CCDC14: variants seen among roughly 807,000 people sequenced by gnomAD.
CCDC14 encodes coiled-coil domain containing 14, also known as coiled-coil domain-containing protein 14.
CCDC14 carries 71 observed loss-of-function variants against 81.4 expected under a neutral mutation model. That is an observed-to-expected ratio of 0.87 (90% confidence interval 0.72 to 1.06). CCDC14 has a LOEUF of 1.06. Among genes scored for constraint, CCDC14 ranks in the 50% least tolerant of loss-of-function variants. The probability of loss-of-function intolerance (pLI) is 0.00; values close to 1 mark genes in which losing one functional copy is unlikely to be tolerated. For synonymous variants in CCDC14, 332 were observed against 364.8 expected, an observed-to-expected ratio of 0.91 and a Z score of 1.03; for missense variants, 1,046 against 1,047.3, an observed-to-expected ratio of 1.00 and a Z score of 0.02.
At chr3:123,887,440 T>C in the CCDC14 span, among the ~76,000 whole-genome samples, 1 of 151,590 alleles carries the variant, frequency 6.6e-6, no homozygotes, top group Non-Finnish European at 1.5e-5. Flanking sequence ...TTCAAACTAC[T>C]TGGTGTCTTG....
chr3:123,928,655 A>C (rs1480110925), intron 12 of CCDC14, among the ~76,000 whole-genome samples: 1 of 152,244 alleles, frequency 6.6e-6, no homozygotes, highest in Non-Finnish European at 1.5e-5. Flanking sequence ...TATTTGGAAC[A>C]TAATACAAAA....
chr3:123,948,844 G>A, intron 6 of CCDC14, 52 bp downstream of exon 6: 1 of 1,582,380 alleles, frequency 6.3e-7, no homozygotes, highest in Non-Finnish European at 8.6e-7. Context: ...CAGTAACCAA[G>A]CAATTTAATT....
Position 123,931,389 on chromosome 3 carries a change from T to C in CCDC14, c.1564A>G (p.Ser522Gly), listed in dbSNP as rs1435495497. The C allele has an allele frequency of 1.3e-6, 2 of 1,528,714 alleles. No homozygotes were observed. The highest frequency in any genetic ancestry group is 2.0e-5 in the Admixed American group (1 of 50,992). 94.7% of individuals were successfully genotyped at this position (1,528,714 alleles called of 1,614,324 possible). A position where few individuals can be genotyped will look rare whatever the true frequency, so the allele number is the denominator to read the frequency against. Reference protein sequence around the residue: ...ENQKDENKKFSSIFKDKDQTI... With the variant: ...ENQKDENKKFGSIFKDKDQTI... ...TGATCTTTGTCTTTAAATATACTACTAAATTTTTTGTTTTCATCTTTCTGA... is the reference window on the plus strand; with the variant it reads ...TGATCTTTGTCTTTAAATATACTACCAAATTTTTTGTTTTCATCTTTCTGA... Residue 522 changes from serine (S) to glycine (G), a missense_variant, in exon 11 of 13, where the codon AGT (serine) becomes GGT (glycine). Ser to Gly is a moderately conservative substitution (Grantham distance 56). Transcript: ENST00000409697.
Position 123,914,928 on chromosome 3 carries a change from T to C in CCDC14, c.2569A>G (p.Thr857Ala). The change falls in exon 13 of 13, where the codon ACT becomes GCT. Residue 857 changes from threonine to alanine, a missense_variant. Thr to Ala is a moderately conservative substitution (Grantham distance 58, BLOSUM62 0). Coordinates refer to ENST00000409697, the MANE Select transcript of CCDC14 (RefSeq NM_001366335.1). Reference protein sequence around the residue: ...GNTVCDGSVFTSDLMSDWSIS... With the variant: ...GNTVCDGSVFASDLMSDWSIS... ...CTCCAGTCAGACATCAAGTCAGAAG[T>C]GAAAACACTACCATCACAGACAGTA... 3 of 1,614,064 alleles carry C rather than the reference T, an allele frequency of 1.9e-6. No homozygotes were observed. The highest frequency in any genetic ancestry group is 2.5e-6 in the Non-Finnish European group (3 of 1,179,898).
intron 9 of CCDC14, among the ~76,000 whole-genome samples, chr3:123,934,910 T>A (rs893738617): frequency 6.6e-6 from 1 of 152,184 alleles, no homozygotes; most frequent in East Asian, 1.9e-4. Context: ...ATCTACATAA[T>A]CTTGAAGTCG....
chr3:123,927,315 C>G (rs1168351014), intron 12 of CCDC14, among the ~76,000 whole-genome samples: 3 of 151,002 alleles, frequency 2.0e-5, no homozygotes, highest in African/African-American at 7.3e-5. Flanking sequence ...TACTTGGGAG[C>G]CTGAAGTGGG....
Position 123,922,198 on chromosome 3 carries a change from G to T in CCDC14, c.1779-6480C>A, listed in dbSNP as rs551174165. 2.0e-5 allele frequency among the ~76,000 whole-genome samples: 3 copies of T among 152,126 alleles called. No homozygotes were observed. In the East Asian group the frequency reaches 5.8e-4, roughly 29 times the overall value. On this transcript the variant is annotated intron_variant, in intron 12 of 12. Transcript: ENST00000409697. The stretch of plus-strand genomic sequence containing the variant: ...ACGAACAAAAATGAAAACAAAATAT[G>T]ACAACATTTATGGGATGCAGCAAAA...
intron 1 of CCDC14, among the ~76,000 whole-genome samples, chr3:123,959,430 T>C (rs764448534): frequency 2.0e-5 from 3 of 152,226 alleles, no homozygotes; most frequent in Non-Finnish European, 2.9e-5. Context: ...TACATTTTCT[T>C]TGGAGAAATG....
chr3:123,948,978 CT>C lies in CCDC14; in HGVS notation c.506del (p.Gln169ArgfsTer4). 6.2e-7 allele frequency: 1 copy of C among 1,613,970 alleles called. No individual in the cohort carries two copies. Among genetic ancestry groups the C allele is most frequent in the Non-Finnish European group, 8.5e-7 (1 of 1,179,880 alleles). The stretch of plus-strand genomic sequence containing the variant: ...AAGTCAAGTCATTCATCAGTGACAT[CT>C]GAGTCTGCACGTGCTCACAGAGGGC... ...YQALCEHVQT[Q>X]MSLMNDLTSK... On this transcript the variant is annotated frameshift_variant, in exon 6 of 13. Coordinates refer to ENST00000409697, the MANE Select transcript of CCDC14 (RefSeq NM_001366335.1). LOFTEE classifies it high-confidence loss of function.
At chr3:123,930,850 T>C (rs2035658713) in intron 12 of CCDC14, 2 of 379,520 alleles carry the variant, frequency 5.3e-6, no homozygotes, top group African/African-American at 2.1e-5. Context: ...GGTGTTGCTA[T>C]ACAAGTCTTC....
chr3:123,948,346 A>G (rs1183020274), intron 7 of CCDC14, among the ~76,000 whole-genome samples: 2 of 151,468 alleles, frequency 1.3e-5, no homozygotes, highest in African/African-American at 4.9e-5. Context: ...GGTTCAAGTA[A>G]TTCTCCTGCC....
chr3:123,934,278 A>AC (rs2035931396), intron 9 of CCDC14, among the ~76,000 whole-genome samples: 4 of 131,246 alleles, frequency 3.0e-5, no homozygotes, highest in Admixed American at 1.1e-4. Context: ...CTCAAAAAAA[A>AC]AAAAAAAAAA....
intron 1 of CCDC14, 85 bp downstream of exon 1, chr3:123,961,059 A>C: frequency 8.4e-7 from 1 of 1,188,454 alleles, no homozygotes; most frequent in Non-Finnish European, 1.2e-6. Flanking sequence ...TCTTTTTTCG[A>C]GCAGAGTTTT....
At chr3:123,947,878 TA>T (rs1349512769) in intron 7 of CCDC14, among the ~76,000 whole-genome samples, 3 of 152,086 alleles carry the variant, frequency 2.0e-5, no homozygotes, top group African/African-American at 7.2e-5. Flanking sequence ...CTCCTAACCA[TA>T]TAGTAGTTAC....
the CCDC14 span, among the ~76,000 whole-genome samples, chr3:123,889,520 T>G: frequency 6.6e-6 from 1 of 152,240 alleles, no homozygotes; most frequent in Non-Finnish European, 1.5e-5. Flanking sequence ...AATAATCTCT[T>G]TTGAATTCAT....
At position 123,913,514 on chromosome 3, in the gene CCDC14, C is replaced by A. The variant is rs1260707081; in HGVS notation, c.*1265G>T. Reference sequence around the variant, plus strand: ...CAAATAAGATGCCAATAAATTAATTCATGAATACTAAATAAAATTAAAGAT... The same window carrying A: ...CAAATAAGATGCCAATAAATTAATTAATGAATACTAAATAAAATTAAAGAT... On this transcript the variant is annotated 3_prime_UTR_variant, in exon 13 of 13. Coordinates refer to ENST00000409697, the MANE Select transcript of CCDC14 (RefSeq NM_001366335.1). 1.0e-6 allele frequency: 1 copy of A among 980,010 alleles called. No individual in the cohort carries two copies. The highest frequency in any genetic ancestry group is 1.1e-4 in the East Asian group (1 of 8,784). The allele number at this position is 980,010 out of a possible 1,614,324, so 60.7% of individuals were successfully genotyped here.
At chr3:123,929,813 G>C (rs906052018) in intron 12 of CCDC14, among the ~76,000 whole-genome samples, 1 of 152,132 alleles carries the variant, frequency 6.6e-6, no homozygotes, top group African/African-American at 2.4e-5. Context: ...GTGTCTCTGT[G>C]AATCTGCCTA....
rs890568912 is a variant in CCDC14 at position 123,917,503 on chromosome 3, A to C, written c.1779-1785T>G. 4.1e-4 allele frequency among the ~76,000 whole-genome samples: 62 copies of C among 151,298 alleles called. 1 individual carries two copies. The highest frequency in any genetic ancestry group is 2.1e-4 in the Non-Finnish European group (14 of 67,928). On this transcript the variant is annotated intron_variant, in intron 12 of 12. Coordinates refer to ENST00000409697, the MANE Select transcript of CCDC14 (RefSeq NM_001366335.1). ...GGGCGAAACTCCATCTCAACCAAAA[A>C]AAAAAACAAAAAACAAAAAAACCCA...
At chr3:123,924,459 G>C (rs1159584997) in intron 12 of CCDC14, among the ~76,000 whole-genome samples, 1 of 152,064 alleles carries the variant, frequency 6.6e-6, no homozygotes, top group Non-Finnish European at 1.5e-5. Context: ...AAACTAAAAG[G>C]CTTTTGCACA....
Sources: allele counts gnomAD v4.1 joint callset (sites outside exome capture counted in the v4.1 genomes callset), GRCh38; gene constraint gnomAD v4.1.1; transcripts MANE v1.5; gene names NCBI Gene and HGNC (gene_info 2026-07-23, HGNC 2026-07-21).